Variants in LAMA2 observed in about 807,000 individuals in gnomAD.
LAMA2 encodes the protein laminin subunit alpha 2, also known as laminin subunit alpha-2.
LAMA2 carries 269 observed loss-of-function variants against 364.8 expected under a neutral mutation model. The observed-to-expected ratio is 0.74, with a 90% CI of 0.67 to 0.82. The LOEUF is 0.82. Ranked by LOEUF, LAMA2 falls within the 40% of genes least tolerant of loss-of-function variation. The pLI is 0.00. For missense variants in LAMA2, 3,807 were observed against 3,873.2 expected (o/e 0.98, Z 0.45); for synonymous variants, 1,379 against 1,370.6 (o/e 1.01, Z -0.14).
chr6:129,006,981 C>T (rs1349929203), intron 1 of LAMA2, among the ~76,000 whole-genome samples: 2 of 152,136 alleles, frequency 1.3e-5, no homozygotes, highest in Non-Finnish European at 2.9e-5. Context: ...CTGAAGCTCT[C>T]CCTGACATCC....
intron 2 of LAMA2, among the ~76,000 whole-genome samples, chr6:129,057,223 A>G (rs1279429045): frequency 6.6e-6 from 1 of 152,156 alleles, no homozygotes; most frequent in Non-Finnish European, 1.5e-5. Context: ...ATGTATATGC[A>G]TAATAATGGT....
At chr6:129,278,903 C>A (rs537270940) in intron 17 of LAMA2, among the ~76,000 whole-genome samples, 2 of 152,158 alleles carry the variant, frequency 1.3e-5, no homozygotes, top group East Asian at 3.9e-4. Context: ...CTGAGTTAAG[C>A]CAGAGAAATA....
At chr6:129,240,578 G>A (rs892204766) in intron 12 of LAMA2, among the ~76,000 whole-genome samples, 7 of 152,064 alleles carry the variant, frequency 4.6e-5, no homozygotes, top group African/African-American at 1.2e-4. Context: ...CACCTCTATG[G>A]ATGAAGTCTA....
At chr6:129,097,174 T>A (rs1003745497) in intron 3 of LAMA2, among the ~76,000 whole-genome samples, 58 of 152,346 alleles carry the variant, frequency 3.8e-4, no homozygotes, top group African/African-American at 1.4e-3. Flanking sequence ...CATATCATAC[T>A]GTTTTATTAT....
In LAMA2 at chr6:128,984,440, T is replaced by C. The variant is rs1395361338; in HGVS notation, c.113-65478T>C. Reference sequence around the variant, plus strand: ...AAATAGGAAGATCATCAGAGACAAGTATCCACATGTGAACTCCCTTAGCTA... The same window carrying C: ...AAATAGGAAGATCATCAGAGACAAGCATCCACATGTGAACTCCCTTAGCTA... On this transcript the variant is annotated intron_variant, in intron 1 of 64. Transcript: ENST00000421865. Among the ~76,000 whole-genome samples, 4 of 152,296 alleles carry C rather than the reference T, an allele frequency of 2.6e-5. No homozygotes were observed. In the East Asian group the frequency reaches 7.7e-4, roughly 29 times the overall value.
At position 128,980,896 on chromosome 6, in the gene LAMA2, T is replaced by A. The variant is rs11154451; in HGVS notation, c.113-69022T>A. Among the ~76,000 whole-genome samples the A allele has an allele frequency of 9.0e-3, 1,367 of 152,226 alleles. 26 individuals are homozygous for A. The highest frequency in any genetic ancestry group is 0.031 in the African/African-American group (1,290 of 41,504). On this transcript the variant is annotated intron_variant, in intron 1 of 64. Coordinates refer to ENST00000421865, the MANE Select transcript of LAMA2 (RefSeq NM_000426.4). ...GAAAATAAACCTGAAACGCGAATCATTGGACAAATGTGAGATTTTTCCTTT... is the reference window on the plus strand; with the variant it reads ...GAAAATAAACCTGAAACGCGAATCAATGGACAAATGTGAGATTTTTCCTTT...
In LAMA2 at chr6:129,291,717, C is replaced by T. The variant is rs1789715027; in HGVS notation, c.2853C>T (p.Cys951=). Residue 951 remains cysteine, a synonymous_variant, in exon 20 of 65, where the codon TGC becomes TGT. Coordinates refer to ENST00000421865, the MANE Select transcript of LAMA2 (RefSeq NM_000426.4). ...ANVQGQRCDK[C]KAGTFGLQSA... is the part of the protein sequence containing the mutation. The stretch of plus-strand genomic sequence containing the variant: ...TTCAGGGTCAGAGATGTGACAAATG[C>T]AAGGTAAGGAGTAGAGGCTGACCCA... 1.9e-6 allele frequency: 3 copies of T among 1,605,502 alleles called. No homozygotes were observed. Among genetic ancestry groups the T allele is most frequent in the Non-Finnish European group, 2.6e-6 (3 of 1,172,254 alleles).
At chr6:129,293,791 G>C (rs1789888393) in intron 20 of LAMA2, among the ~76,000 whole-genome samples, 1 of 151,936 alleles carries the variant, frequency 6.6e-6, no homozygotes. Context: ...AGGAGAGATG[G>C]AAATAAAAAG....
chr6:129,140,583 A>G (rs920077690), intron 4 of LAMA2, among the ~76,000 whole-genome samples: 3 of 152,096 alleles, frequency 2.0e-5, no homozygotes, highest in Non-Finnish European at 4.4e-5. Context: ...GGGGATGGAT[A>G]CATTTCATCT....
intron 9 of LAMA2, among the ~76,000 whole-genome samples, chr6:129,169,951 GA>G (rs1780022492): frequency 6.6e-6 from 1 of 150,722 alleles, no homozygotes; most frequent in Non-Finnish European, 1.5e-5. Context: ...TATTTGCATA[GA>G]GGTGTTTGTA....
At chr6:128,914,496 T>C (rs1562824670) in intron 1 of LAMA2, among the ~76,000 whole-genome samples, 1 of 152,176 alleles carries the variant, frequency 6.6e-6, no homozygotes, top group Non-Finnish European at 1.5e-5. Flanking sequence ...TTTCTTCAAG[T>C]TCATTATAGC....
At position 128,914,136 on chromosome 6, in the gene LAMA2, A is replaced by G. The variant is rs1778156498; in HGVS notation, c.112+30779A>G. On this transcript the variant is annotated intron_variant, in intron 1 of 64. Transcript: ENST00000421865. ...TCCATAAATAATTTTGAAAATCTAG[A>G]AAGAAATTGCATTTCTACTTTAAAA... is the stretch of plus-strand genomic sequence containing the variant. 2.0e-5 allele frequency among the ~76,000 whole-genome samples: 3 copies of G among 152,226 alleles called. No homozygotes were observed. In the South Asian group the frequency reaches 6.2e-4, roughly 31 times the overall value.
chr6:129,373,687 C>CT (rs1778214824), intron 34 of LAMA2, among the ~76,000 whole-genome samples: 1 of 152,128 alleles, frequency 6.6e-6, no homozygotes. Flanking sequence ...TTTCTGATGA[C>CT]TTTGAGAGTT....
chr6:129,441,615 T>C (rs1317782170), intron 43 of LAMA2, among the ~76,000 whole-genome samples: 5 of 152,094 alleles, frequency 3.3e-5, no homozygotes, highest in Non-Finnish European at 7.3e-5. Flanking sequence ...TCATAACTTA[T>C]ATTATTAGTT....
intron 4 of LAMA2, among the ~76,000 whole-genome samples, chr6:129,135,892 T>A (rs1190533871): frequency 6.6e-6 from 1 of 152,204 alleles, no homozygotes; most frequent in African/African-American, 2.4e-5. Flanking sequence ...ATCTGTGTAA[T>A]TATTATATAC....
At chr6:129,233,899 A>G (rs1784827376) in intron 12 of LAMA2, among the ~76,000 whole-genome samples, 1 of 152,180 alleles carries the variant, frequency 6.6e-6, no homozygotes, top group Non-Finnish European at 1.5e-5. Flanking sequence ...GCTCCAGTAG[A>G]GCAAAAAGAA....
intron 1 of LAMA2, among the ~76,000 whole-genome samples, chr6:129,029,001 A>G (rs1280572465): frequency 6.6e-6 from 1 of 151,896 alleles, no homozygotes; most frequent in African/African-American, 2.4e-5. Context: ...AAATAGTCTC[A>G]GGATATGTTT....
At chr6:129,420,066 A>G (rs551542081) in intron 40 of LAMA2, among the ~76,000 whole-genome samples, 4 of 152,266 alleles carry the variant, frequency 2.6e-5, no homozygotes, top group Admixed American at 2.0e-4. Context: ...AGAAGAAAAT[A>G]TAAAATGTGC....
intron 3 of LAMA2, among the ~76,000 whole-genome samples, chr6:129,083,063 A>T (rs1773151232): frequency 7.7e-6 from 1 of 129,460 alleles, no homozygotes; most frequent in Admixed American, 8.8e-5. Flanking sequence ...ATTTCTGTCT[A>T]GTTCTCCTCT....
Sources: allele counts gnomAD v4.1 joint callset (sites outside exome capture counted in the v4.1 genomes callset), GRCh38; gene constraint gnomAD v4.1.1; transcripts MANE v1.5; gene names NCBI Gene and HGNC (gene_info 2026-07-23, HGNC 2026-07-21).